The following PHACTR3 variants were observed in gnomAD, a reference collection of about 807,000 sequenced individuals.
PHACTR3 encodes phosphatase and actin regulator 3, also known as protein phosphatase 1, regulatory subunit 123.
In PHACTR3, 16 loss-of-function variants were observed where a neutral mutation model predicts 66.8. That is an observed-to-expected ratio of 0.24 (90% CI 0.16 to 0.36). The LOEUF (loss-of-function observed/expected upper bound fraction) is 0.36, where lower values mean the gene tolerates loss of function less well. Among genes scored for constraint, PHACTR3 ranks in the 10% least tolerant of loss-of-function variants. The probability of loss-of-function intolerance (pLI) is 1.00; values close to 1 mark genes in which losing one functional copy is unlikely to be tolerated. For synonymous variants in PHACTR3, 323 were observed against 292.1 expected (o/e 1.11, Z -1.08); for missense variants, 647 against 719.9 (o/e 0.90, Z 1.16).
intron 5 of PHACTR3, among the ~76,000 whole-genome samples, chr20:59,771,587 C>A (rs1181458665): frequency 6.6e-6 from 1 of 152,154 alleles, no homozygotes; most frequent in South Asian, 2.1e-4. Context: ...CTCTCGCCCC[C>A]CTCCCTCCAC....
At chr20:59,831,869 T>C (rs2042393973) in intron 8 of PHACTR3, among the ~76,000 whole-genome samples, 1 of 152,168 alleles carries the variant, frequency 6.6e-6, no homozygotes, top group Non-Finnish European at 1.5e-5. Flanking sequence ...GGGGGTCTGC[T>C]CTCACAGAGC....
intron 1 of PHACTR3, among the ~76,000 whole-genome samples, chr20:59,641,732 G>C (rs577500356): frequency 6.6e-6 from 1 of 152,316 alleles, no homozygotes; most frequent in African/African-American, 2.4e-5. Flanking sequence ...TATAGATTGT[G>C]TGTGTATGTA....
At chr20:59,713,110 G>A (rs1417293813) in intron 1 of PHACTR3, among the ~76,000 whole-genome samples, 1 of 152,218 alleles carries the variant, frequency 6.6e-6, no homozygotes, top group Admixed American at 6.5e-5. Context: ...TTTGAATCAG[G>A]GTGGAGGTGG....
chr20:59,843,113 T>A (rs1046412254), intron 11 of PHACTR3, among the ~76,000 whole-genome samples: 1 of 152,016 alleles, frequency 6.6e-6, no homozygotes, highest in Non-Finnish European at 1.5e-5. Context: ...AAGGCAATCT[T>A]ATTTAAAATA....
intron 1 of PHACTR3, among the ~76,000 whole-genome samples, chr20:59,737,790 A>G (rs2039006168): frequency 5.9e-5 from 9 of 152,146 alleles, no homozygotes; most frequent in Admixed American, 5.9e-4. Context: ...CTATTAGGAT[A>G]CATGGCACAT....
chr20:59,786,496 G>A (rs2040919457), intron 7 of PHACTR3, among the ~76,000 whole-genome samples: 2 of 152,186 alleles, frequency 1.3e-5, no homozygotes, highest in South Asian at 4.1e-4. Flanking sequence ...CAGCCCTGGG[G>A]GCAGAGCCAT....
intron 7 of PHACTR3, among the ~76,000 whole-genome samples, chr20:59,792,687 A>G (rs1331621393): frequency 4.6e-5 from 7 of 152,278 alleles, no homozygotes; most frequent in South Asian, 2.1e-4. Context: ...GCATTTTTTC[A>G]TATACTTATC....
Position 59,607,779 on chromosome 20 carries a change from C to G in PHACTR3, c.118+2647C>G, listed in dbSNP as rs148273316. On this transcript the variant is annotated intron_variant, in intron 1 of 12. Transcript: ENST00000371015. The stretch of plus-strand genomic sequence containing the variant: ...ACACTGGGTCTCGGAGATCTTGCCT[C>G]ATTGCAATATCCATCTCCCTTTCCC... Among the ~76,000 whole-genome samples the G allele has an allele frequency of 6.7e-3, 1,016 of 152,308 alleles. 21 individuals carry two copies. Among genetic ancestry groups the G allele is most frequent in the African/African-American group, 0.023 (952 of 41,556 alleles).
chr20:59,834,535 A>G (rs2042470806), intron 8 of PHACTR3, among the ~76,000 whole-genome samples: 1 of 152,182 alleles, frequency 6.6e-6, no homozygotes, highest in Non-Finnish European at 1.5e-5. Context: ...TGCTGTACCA[A>G]GTGGATTCTG....
chr20:59,741,700 C>T (rs553167394), intron 1 of PHACTR3, among the ~76,000 whole-genome samples: 1 of 151,832 alleles, frequency 6.6e-6, no homozygotes, highest in Non-Finnish European at 1.5e-5. Context: ...CTGTGAAGCA[C>T]ATCTCCCTCT....
chr20:59,713,256 C>T (rs1477591724), intron 1 of PHACTR3, among the ~76,000 whole-genome samples: 4 of 152,186 alleles, frequency 2.6e-5, no homozygotes, highest in East Asian at 1.9e-4. Flanking sequence ...ACACTTAAGT[C>T]GATTCCTGGA....
chr20:59,675,278 T>A (rs540201381), intron 1 of PHACTR3, among the ~76,000 whole-genome samples: 1 of 151,724 alleles, frequency 6.6e-6, no homozygotes, highest in Non-Finnish European at 1.5e-5. Context: ...TCTTAGCTCA[T>A]ATCACACCAT....
intron 1 of PHACTR3, among the ~76,000 whole-genome samples, chr20:59,640,438 G>A (rs902014126): frequency 6.6e-6 from 1 of 152,182 alleles, no homozygotes; most frequent in Non-Finnish European, 1.5e-5. Flanking sequence ...GGGGCCAGGC[G>A]GTCTTCAACC....
intron 1 of PHACTR3, among the ~76,000 whole-genome samples, chr20:59,611,414 T>A (rs2033839531): frequency 6.6e-6 from 1 of 152,252 alleles, no homozygotes; most frequent in African/African-American, 2.4e-5. Context: ...CCAGCCCTTC[T>A]GTGTGCCTGG....
At chr20:59,807,706 G>A (rs59837370) in intron 8 of PHACTR3, among the ~76,000 whole-genome samples, 5,037 of 152,178 alleles carry the variant, frequency 0.033, 275 homozygotes, top group African/African-American at 0.11. Flanking sequence ...ACACCACGAT[G>A]TCATATGACA....
At chr20:59,832,756 G>A (rs1019163163) in intron 8 of PHACTR3, among the ~76,000 whole-genome samples, 2 of 152,156 alleles carry the variant, frequency 1.3e-5, no homozygotes, top group East Asian at 1.9e-4. Context: ...ACCTCCATGC[G>A]ATCTAAACGA....
intron 7 of PHACTR3, among the ~76,000 whole-genome samples, chr20:59,801,243 G>A (rs1405177995): frequency 1.3e-5 from 2 of 152,116 alleles, no homozygotes; most frequent in Non-Finnish European, 2.9e-5. Flanking sequence ...CTGGATTGTG[G>A]CCTGGCAACT....
intron 1 of PHACTR3, among the ~76,000 whole-genome samples, chr20:59,581,748 G>A (rs1414718214): frequency 6.6e-6 from 1 of 152,290 alleles, no homozygotes; most frequent in East Asian, 1.9e-4. Context: ...GGGAGTGGTG[G>A]CAGGTGCCTG....
intron 7 of PHACTR3, among the ~76,000 whole-genome samples, chr20:59,803,644 T>C (rs538053733): frequency 1.3e-5 from 2 of 152,340 alleles, no homozygotes; most frequent in South Asian, 2.1e-4. Flanking sequence ...CCGTAACATA[T>C]ACGCCACCAT....
Sources: allele counts gnomAD v4.1 joint callset (sites outside exome capture counted in the v4.1 genomes callset), GRCh38; gene constraint gnomAD v4.1.1; transcripts MANE v1.5; gene names NCBI Gene and HGNC (gene_info 2026-07-23, HGNC 2026-07-21).